Variants in PEX7 observed in about 807,000 individuals in gnomAD.
PEX7 encodes PTS2 receptor.
Under a neutral mutation model 47.5 loss-of-function variants are expected in PEX7, and 34 were observed. The ratio of observed to expected loss-of-function variants is 0.72; its 90% CI spans 0.54 to 0.95. The LOEUF (loss-of-function observed/expected upper bound fraction) is 0.95, where lower values mean the gene tolerates loss of function less well. PEX7 is among the 40% of genes least tolerant of loss of function. The probability of loss-of-function intolerance (pLI) is 0.00; values close to 1 mark genes in which losing one functional copy is unlikely to be tolerated. For missense variants in PEX7, 394 were observed against 400.3 expected (o/e 0.98, Z 0.13); for synonymous variants, 141 against 148.8 (o/e 0.95, Z 0.38).
intron 8 of PEX7, among the ~76,000 whole-genome samples, chr6:136,891,681 C>T (rs1235971733): frequency 4.7e-5 from 7 of 149,068 alleles, no homozygotes; most frequent in Non-Finnish European, 8.9e-5. Context: ...CAGAGTCTCA[C>T]TCTGTTGCTC....
At position 136,834,745 on chromosome 6, in the gene PEX7, TG is replaced by T. The variant is rs1774356159; in HGVS notation, c.339+8277del. On this transcript the variant is annotated intron_variant, in intron 3 of 9. Coordinates refer to ENST00000318471, the MANE Select transcript of PEX7 (RefSeq NM_000288.4). The stretch of plus-strand genomic sequence containing the variant: ...GAAAATTCAGGAGAAAGATGGATTG[TG>T]TAGATTTTGGGCCACACACTGTGGG... Among the ~76,000 whole-genome samples the T allele has an allele frequency of 2.6e-5, 4 of 152,166 alleles. No homozygotes were observed. In the South Asian group the frequency reaches 8.3e-4, roughly 32 times the overall value.
In PEX7 at chr6:136,869,867, A is replaced by G; in HGVS notation, c.634-23A>G. 5 of 1,548,410 alleles carry G rather than the reference A, an allele frequency of 3.2e-6. No individual in the cohort carries two copies. In the South Asian group the frequency reaches 4.5e-5, roughly 14 times the overall value. On this transcript the variant is annotated intron_variant, in intron 6 of 9. Transcript: ENST00000318471. ...TTTAATTGCAAAGATGTCACAGTTTATGTTTCTCTGAATTGTTTTTAGAAT... is the reference window on the plus strand; with the variant it reads ...TTTAATTGCAAAGATGTCACAGTTTGTGTTTCTCTGAATTGTTTTTAGAAT...
intron 5 of PEX7, among the ~76,000 whole-genome samples, chr6:136,853,042 G>C (rs985382952): frequency 1.1e-4 from 17 of 150,582 alleles, no homozygotes; most frequent in Admixed American, 4.0e-4. Flanking sequence ...ACAAACCTGA[G>C]AAAAACAAGC....
At chr6:136,905,509 A>C (rs1775831546) in intron 9 of PEX7, among the ~76,000 whole-genome samples, 1 of 152,222 alleles carries the variant, frequency 6.6e-6, no homozygotes, top group South Asian at 2.1e-4. Context: ...GGTCACCAGT[A>C]AACTCCTGAA....
chr6:136,852,146 A>G (rs975380177), intron 5 of PEX7, among the ~76,000 whole-genome samples: 1 of 148,946 alleles, frequency 6.7e-6, no homozygotes, highest in Non-Finnish European at 1.5e-5. Flanking sequence ...TCTAACGTTT[A>G]AATCTTTAAT....
intron 3 of PEX7, among the ~76,000 whole-genome samples, chr6:136,839,135 C>T (rs1462799533): frequency 1.3e-5 from 2 of 151,932 alleles, no homozygotes; most frequent in African/African-American, 2.4e-5. Context: ...GAGCTGTGCT[C>T]GTTCGTGGCA....
At chr6:136,879,997 A>AC (rs1258404219) in intron 8 of PEX7, among the ~76,000 whole-genome samples, 24 of 149,836 alleles carry the variant, frequency 1.6e-4, no homozygotes, top group Admixed American at 1.4e-3. Context: ...GTTTTTGTCC[A>AC]CTTCTTTTCT....
chr6:136,822,627 C>T lies in PEX7; in HGVS notation c.-39C>T. On this transcript the variant is annotated 5_prime_UTR_variant, in exon 1 of 10. Transcript: ENST00000318471. ...GTGTGCCTCCGACTCGGAACGGCTT[C>T]CGCGGCCGGGGCAGCGAGGGCCGGG... is the stretch of plus-strand genomic sequence containing the variant. 6.6e-7 allele frequency: 1 copy of T among 1,517,378 alleles called. No individual in the cohort carries two copies. The highest frequency in any genetic ancestry group is 8.8e-7 in the Non-Finnish European group (1 of 1,133,908). The allele number at this position is 1,517,378 out of a possible 1,614,324, so 94.0% of individuals were successfully genotyped here.
chr6:136,835,082 G>A (rs928873688), intron 3 of PEX7, among the ~76,000 whole-genome samples: 3 of 151,838 alleles, frequency 2.0e-5, no homozygotes, highest in Non-Finnish European at 4.4e-5. Context: ...TGGGCTAACA[G>A]GCATGACTAA....
intron 6 of PEX7, among the ~76,000 whole-genome samples, chr6:136,868,059 A>G (rs956552930): frequency 3.9e-5 from 6 of 152,174 alleles, no homozygotes; most frequent in South Asian, 2.1e-4. Flanking sequence ...CTATGTTTAG[A>G]TACAGAAAGC....
intron 3 of PEX7, among the ~76,000 whole-genome samples, chr6:136,836,231 TAAAG>T: frequency 1.0e-5 from 1 of 97,098 alleles, no homozygotes; most frequent in Non-Finnish European, 2.2e-5. Flanking sequence ...TTGTTTTACA[TAAAG>T]AGAGGAATAG....
chr6:136,873,959 G>A (rs1356597663), intron 8 of PEX7, among the ~76,000 whole-genome samples: 2 of 152,090 alleles, frequency 1.3e-5, no homozygotes, highest in Admixed American at 1.3e-4. Flanking sequence ...TGCATTCCTG[G>A]AGTAAGTCTC....
chr6:136,834,705 T>TTCAA (rs1774355587), intron 3 of PEX7, among the ~76,000 whole-genome samples: 1 of 152,082 alleles, frequency 6.6e-6, no homozygotes, highest in Non-Finnish European at 1.5e-5. Context: ...TGGTGGGGGT[T>TTCAA]GGACTTTATG....
intron 5 of PEX7, among the ~76,000 whole-genome samples, chr6:136,848,051 G>A (rs1371554432): frequency 2.0e-5 from 3 of 152,046 alleles, no homozygotes; most frequent in African/African-American, 7.2e-5. Context: ...TCCTTGAAGA[G>A]GTCCTTCACA....
Position 136,822,752 on chromosome 6 carries a change from G to C in PEX7, c.87G>C (p.Pro29=), listed in dbSNP as rs1459019752. ...GYAAEFSPYL[P]GRLACATAQH... Reference sequence around the variant, plus strand: ...CCGCCGAGTTCTCCCCGTACCTGCCGGGCCGCCTGGCCTGCGCCACCGCGC... The same window carrying C: ...CCGCCGAGTTCTCCCCGTACCTGCCCGGCCGCCTGGCCTGCGCCACCGCGC... Residue 29 remains proline (P), a synonymous_variant, in exon 1 of 10, where the codon CCG becomes CCC. Transcript: ENST00000318471. 3.4e-6 allele frequency: 5 copies of C among 1,488,248 alleles called. No homozygotes were observed. The South Asian group carries it at 5.0e-5, about 15-fold the overall frequency. The allele number at this position is 1,488,248 out of a possible 1,614,324, so 92.2% of individuals were successfully genotyped here.
chr6:136,874,383 G>A (rs1775231258), intron 8 of PEX7, among the ~76,000 whole-genome samples: 2 of 152,118 alleles, frequency 1.3e-5, no homozygotes, highest in East Asian at 3.9e-4. Context: ...AGAGGTGTCT[G>A]TAAAGTGGGT....
chr6:136,894,489 C>T (rs1235751842), intron 8 of PEX7, among the ~76,000 whole-genome samples: 4 of 152,126 alleles, frequency 2.6e-5, no homozygotes, highest in Non-Finnish European at 4.4e-5. Context: ...ACTCAGGAGG[C>T]TGAGGCAGGA....
At chr6:136,878,498 A>G (rs1231244201) in intron 8 of PEX7, among the ~76,000 whole-genome samples, 1 of 152,142 alleles carries the variant, frequency 6.6e-6, no homozygotes, top group Non-Finnish European at 1.5e-5. Context: ...TAGTTTATTG[A>G]GAGTTTTTAG....
chr6:136,822,791 C>G lies in PEX7; in HGVS notation c.126C>G (p.Ile42Met), dbSNP rs1464741803. The part of the protein sequence containing the change: ...LACATAQHYG[I>M]AGCGTLLILD... ...GCGCCACCGCGCAGCACTACGGCAT[C>G]GCGGGTGAGGCGGCGCCGCGCAGCT... is the stretch of plus-strand genomic sequence containing the variant. Residue 42 changes from isoleucine to methionine, a missense_variant, in exon 1 of 10, where the codon ATC (isoleucine) becomes ATG (methionine). By Grantham distance (10) the Ile-to-Met change is conservative (BLOSUM62 1). Transcript: ENST00000318471. 1 of 1,332,996 alleles carries G rather than the reference C, an allele frequency of 7.5e-7. No homozygotes were observed. The highest frequency in any genetic ancestry group is 3.8e-5 in the Admixed American group (1 of 26,304). 82.6% of individuals were successfully genotyped at this position (1,332,996 alleles called of 1,614,324 possible).
Sources: gnomAD v4.1 joint callset for allele counts (sites outside exome capture counted in the v4.1 genomes callset) on GRCh38, gnomAD v4.1.1 for gene constraint, MANE v1.5 for transcripts, NCBI Gene and HGNC (gene_info 2026-07-23, HGNC 2026-07-21) for gene names.